The following TTC39A variants were observed in gnomAD, a reference collection of about 807,000 sequenced individuals.
TTC39A encodes the protein tetratricopeptide repeat domain 39A.
In TTC39A, 46 loss-of-function variants were observed where a neutral mutation model predicts 82.3. The ratio of observed to expected loss-of-function variants is 0.56; its 90% CI spans 0.44 to 0.71. The LOEUF is 0.71. Among genes scored for constraint, TTC39A ranks in the 30% least tolerant of loss-of-function variants. The pLI, the probability that TTC39A is intolerant of heterozygous loss-of-function variation, is 0.00. For synonymous variants in TTC39A, 254 were observed against 275.2 expected, an observed-to-expected ratio of 0.92 and a Z score of 0.76; for missense variants, 543 against 712.9, an observed-to-expected ratio of 0.76 and a Z score of 2.71.
At chr1:51,340,872 G>C (rs1570032056) in intron 1 of TTC39A, among the ~76,000 whole-genome samples, 1 of 152,214 alleles carries the variant, frequency 6.6e-6, no homozygotes, top group Non-Finnish European at 1.5e-5. Context: ...TCAGAATCAG[G>C]CTTCAAAACC....
At position 51,288,767 on chromosome 1, in the gene TTC39A, C is replaced by T; in HGVS notation, c.1610+72G>A. On this transcript the variant is annotated intron_variant, in intron 17 of 17. Coordinates refer to ENST00000680483, the MANE Select transcript of TTC39A (RefSeq NM_001297663.2). The surrounding 1 kb of genome is among the most constrained non-coding windows in gnomAD (Gnocchi z 4.8). ...ACTCCACTCACTGCTCTCTGGGCAA[C>T]TCTGTCCCCAGCCAGCTCCTGAGCT... The T allele has an allele frequency of 6.9e-7, 1 of 1,447,532 alleles. No individual in the cohort carries two copies. The highest frequency in any genetic ancestry group is 1.2e-5 in the South Asian group (1 of 80,612). The allele number at this position is 1,447,532 out of a possible 1,614,324, so 89.7% of individuals were successfully genotyped here. A position where few individuals can be genotyped will look rare whatever the true frequency, so the allele number is the denominator to read the frequency against.
rs1174406631 is a variant in TTC39A at position 51,312,169 on chromosome 1, T to A, written c.305A>T (p.Asp102Val). 6.2e-6 allele frequency: 10 copies of A among 1,610,866 alleles called. No homozygotes were observed. The highest frequency in any genetic ancestry group is 1.1e-5 in the South Asian group (1 of 90,064). The change falls in exon 4 of 18, where the codon GAT becomes GTT. Residue 102 changes from aspartate to valine, a missense_variant. Asp to Val is a radical substitution (Grantham distance 152). Transcript: ENST00000680483. ...QRHRRKSSVT[D>V]SFSSLVNRPT... is the part of the protein sequence containing the mutation. ...GCGGTTCACCAGGCTGCTGAAGGAA[T>A]CTGTTACAGAAGACTTCCTCCGGTG...
At chr1:51,331,210 T>G (rs1303155192), upstream of TTC39A, 1 of 1,550,154 alleles carries the variant, frequency 6.5e-7, no homozygotes, top group African/African-American at 1.4e-5. Context: ...AAGCCAACAC[T>G]CTGGCCCCTT....
At chr1:51,301,315 C>T (rs1240152132) in intron 12 of TTC39A, 1 of 403,430 alleles carries the variant, frequency 2.5e-6, no homozygotes. Flanking sequence ...AACATTTCTA[C>T]CACAGAAACA....
intron 15 of TTC39A, 100 bp downstream of exon 15, chr1:51,290,414 C>T: frequency 1.5e-5 from 16 of 1,065,252 alleles, no homozygotes; most frequent in Non-Finnish European, 2.0e-5. Flanking sequence ...AGGAGAGTTG[C>T]CAGGGTAGGG....
At chr1:51,308,030 G>A (rs890460864) in intron 6 of TTC39A, among the ~76,000 whole-genome samples, 6 of 151,832 alleles carry the variant, frequency 4.0e-5, no homozygotes, top group Non-Finnish European at 8.8e-5. Flanking sequence ...GATGGAAAAA[G>A]CATGAAGTAA....
intron 1 of TTC39A, among the ~76,000 whole-genome samples, chr1:51,327,606 G>A (rs895920188): frequency 2.0e-5 from 3 of 152,014 alleles, no homozygotes; most frequent in Non-Finnish European, 4.4e-5. Context: ...TACCTCCCAC[G>A]GTTTTTGTGA....
Position 51,294,253 on chromosome 1 carries a change from G to A in TTC39A, c.1266+138C>T, listed in dbSNP as rs2148124753. On this transcript the variant is annotated intron_variant, in intron 14 of 17. Coordinates refer to ENST00000680483, the MANE Select transcript of TTC39A (RefSeq NM_001297663.2). This position sits in a 1 kb window ranked among gnomAD's most constrained non-coding sequence, Gnocchi z 4.3. ...GGGCAGGGGCTGGGCCAGACTCCCA[G>A]GTGAATTGTGAAACCCTCCCCAGGC... The A allele has an allele frequency of 1.4e-6, 2 of 1,390,230 alleles. No homozygotes were observed. The highest frequency in any genetic ancestry group is 1.9e-6 in the Non-Finnish European group (2 of 1,034,860). 86.1% of individuals were successfully genotyped at this position (1,390,230 alleles called of 1,614,324 possible).
At chr1:51,334,195 C>CAT (rs1553181739), upstream of TTC39A, among the ~76,000 whole-genome samples, 5,507 of 38,140 alleles carry the variant, frequency 0.14, 150 homozygotes, top group East Asian at 0.28. Flanking sequence ...CCTGTCTCTA[C>CAT]AAAAAAAAAA....
In TTC39A at chr1:51,321,767, A is replaced by T; in HGVS notation, c.100T>A (p.Phe34Ile). ...LDQCMTALDL[F>I]LTNQFSEALS... ...GCTTCTGAGAACTGGTTGGTGAGGAAGAGGTCCAGGGCGGTCATGCACTGG... is the reference window on the plus strand; with the variant it reads ...GCTTCTGAGAACTGGTTGGTGAGGATGAGGTCCAGGGCGGTCATGCACTGG... The change falls in exon 2 of 18, where the codon TTC becomes ATC. Residue 34 changes from phenylalanine to isoleucine, a missense_variant. Transcript: ENST00000680483. This position sits in a 1 kb window ranked among gnomAD's most constrained non-coding sequence, Gnocchi z 4.6. The T allele has an allele frequency of 1.2e-6, 2 of 1,613,982 alleles. No homozygotes were observed. Among genetic ancestry groups the T allele is most frequent in the Non-Finnish European group, 1.7e-6 (2 of 1,179,874 alleles).
At chr1:51,295,807 A>G in intron 13 of TTC39A, 2 of 532,036 alleles carry the variant, frequency 3.8e-6, no homozygotes, top group Non-Finnish European at 6.8e-6. Context: ...GTCCACATGA[A>G]AGAGACTCGG....
At chr1:51,303,274 G>T in intron 8 of TTC39A, 82 bp from the exon 9 acceptor site, 1 of 1,233,418 alleles carries the variant, frequency 8.1e-7, no homozygotes, top group Non-Finnish European at 1.1e-6. Flanking sequence ...GGGCAGTGCT[G>T]CCGGCACAGG....
chr1:51,312,822 G>C lies in TTC39A; in HGVS notation c.268C>G (p.Leu90Val). 1 of 1,613,680 alleles carries C rather than the reference G, an allele frequency of 6.2e-7. No homozygotes were observed. Among genetic ancestry groups the C allele is most frequent in the African/African-American group, 1.3e-5 (1 of 75,058 alleles). Residue 90 changes from leucine to valine, a missense_variant, in exon 3 of 18, where the codon CTG (leucine) becomes GTG (valine). Transcript: ENST00000680483. ...CCCAATGCCCCCAACCTCTGACACA[G>C]CATCTGTGCCTCCTTCATCATGTTG... Reference protein sequence around the residue: ...AGNMMKEAQMLCQRHRRKSSV... With the variant: ...AGNMMKEAQMVCQRHRRKSSV...
At chr1:51,293,866 T>C (rs1407277542) in intron 14 of TTC39A, among the ~76,000 whole-genome samples, 5 of 152,144 alleles carry the variant, frequency 3.3e-5, no homozygotes, top group Non-Finnish European at 7.4e-5. Flanking sequence ...ATTACCCCCA[T>C]CTGTAAAATG....
intron 1 of TTC39A, among the ~76,000 whole-genome samples, chr1:51,344,294 T>C (rs1646071101): frequency 1.3e-5 from 2 of 152,048 alleles, no homozygotes; most frequent in South Asian, 2.1e-4. Context: ...GATGTAAATA[T>C]GAAGGGAAGG....
At chr1:51,320,452 T>C (rs577115413) in intron 2 of TTC39A, among the ~76,000 whole-genome samples, 1 of 139,116 alleles carries the variant, frequency 7.2e-6, no homozygotes, top group Admixed American at 7.5e-5. Flanking sequence ...AGGGTTTTGC[T>C]CTGTTGCCCC....
At chr1:51,331,918 G>T, upstream of TTC39A, 1 of 677,280 alleles carries the variant, frequency 1.5e-6, no homozygotes, top group Non-Finnish European at 1.8e-6. Flanking sequence ...GGGTGTACCA[G>T]ATCGGGGAGC....
intron 1 of TTC39A, among the ~76,000 whole-genome samples, chr1:51,338,327 G>T (rs779264464): frequency 6.6e-6 from 1 of 152,146 alleles, no homozygotes; most frequent in Non-Finnish European, 1.5e-5. Flanking sequence ...CTCTATTAAA[G>T]TGGAGAAAGC....
At chr1:51,344,799 G>A (rs1646076795) in intron 1 of TTC39A, among the ~76,000 whole-genome samples, 2 of 152,242 alleles carry the variant, frequency 1.3e-5, no homozygotes, top group Admixed American at 6.5e-5. Flanking sequence ...CCGCCCTGCT[G>A]GGGGCGAGGA....
Sources: allele counts gnomAD v4.1 joint callset (sites outside exome capture counted in the v4.1 genomes callset), GRCh38; gene constraint gnomAD v4.1.1; non-coding constraint Gnocchi (gnomAD v3.1); transcripts MANE v1.5; gene names NCBI Gene and HGNC (gene_info 2026-07-23, HGNC 2026-07-21).